Variants in MIGA2 observed in about 807,000 individuals in gnomAD.
MIGA2 encodes mitoguardin 2, also known as family with sequence similarity 73, member B.
MIGA2 carries 36 observed loss-of-function variants against 69.9 expected under a neutral mutation model. The ratio of observed to expected loss-of-function variants is 0.52; its 90% CI spans 0.39 to 0.68. MIGA2 has a LOEUF of 0.68. Among genes scored for constraint, MIGA2 ranks in the 30% least tolerant of loss-of-function variants. The pLI, the probability that MIGA2 is intolerant of heterozygous loss-of-function variation, is 0.00. For synonymous variants in MIGA2, 333 were observed against 349.2 expected, an observed-to-expected ratio of 0.95 and a Z score of 0.52; for missense variants, 660 against 787.7, an observed-to-expected ratio of 0.84 and a Z score of 1.94.
intron 3 of MIGA2, among the ~76,000 whole-genome samples, chr9:129,047,407 G>T (rs1235655392): frequency 6.7e-6 from 1 of 150,116 alleles, no homozygotes; most frequent in Non-Finnish European, 1.5e-5. Flanking sequence ...ATAACCTTTG[G>T]TGCATTTCAT....
At chr9:129,053,533 T>A (rs112427252) in intron 6 of MIGA2, among the ~76,000 whole-genome samples, 1 of 151,970 alleles carries the variant, frequency 6.6e-6, no homozygotes, top group African/African-American at 2.4e-5. Context: ...CCGGCTAATT[T>A]TTTTTGTATT....
intron 11 of MIGA2, among the ~76,000 whole-genome samples, chr9:129,067,060 C>T (rs532136190): frequency 4.1e-5 from 6 of 147,952 alleles, no homozygotes; most frequent in Admixed American, 1.4e-4. Context: ...GGCGTGAACC[C>T]GGGAGGCAGA....
intron 11 of MIGA2, among the ~76,000 whole-genome samples, chr9:129,066,556 C>T (rs1251714807): frequency 4.0e-5 from 6 of 149,720 alleles, no homozygotes; most frequent in Non-Finnish European, 8.9e-5. Context: ...CGCCTGTAGT[C>T]CCAGCTACTC....
Position 129,069,573 on chromosome 9 carries a change from C to G in MIGA2, c.1459-276C>G, listed in dbSNP as rs1846555704. 1 of 546,258 alleles carries G rather than the reference C, an allele frequency of 1.8e-6. No individual in the cohort carries two copies. The highest frequency in any genetic ancestry group is 1.9e-5 in the African/African-American group (1 of 52,740). The allele number at this position is 546,258 out of a possible 1,614,324, so 33.8% of individuals were successfully genotyped here. A position where few individuals can be genotyped will look rare whatever the true frequency, so the allele number is the denominator to read the frequency against. On this transcript the variant is annotated intron_variant, in intron 14 of 15. Coordinates refer to ENST00000684074, the MANE Select transcript of MIGA2 (RefSeq NM_001329990.2). The surrounding 1 kb of genome is among the most constrained non-coding windows in gnomAD (Gnocchi z 4.9). ...CCCTCTGCGGGCCAGGCTCTGTTGC[C>G]TAGCTGATACCAGCTGCCGTGGCCA...
Position 129,070,378 on chromosome 9 carries a change from G to A in MIGA2, c.1707G>A (p.Gly569=). Residue 569 remains glycine, a synonymous_variant, in exon 16 of 16, where the codon GGG becomes GGA. Transcript: ENST00000684074. ...RRSEILLGYL[G]VPAASSAGVN... ...GCGAGATATTGCTGGGGTACCTGGGGGTGCCCGCGGCCAGCAGCGCAGGCG... is the reference window on the plus strand; with the variant it reads ...GCGAGATATTGCTGGGGTACCTGGGAGTGCCCGCGGCCAGCAGCGCAGGCG... 1.2e-6 allele frequency: 2 copies of A among 1,612,490 alleles called. No homozygotes were observed. The highest frequency in any genetic ancestry group is 1.1e-5 in the South Asian group (1 of 91,030).
chr9:129,046,072 C>A (rs1324356021), intron 3 of MIGA2, among the ~76,000 whole-genome samples: 1 of 152,126 alleles, frequency 6.6e-6, no homozygotes, highest in Non-Finnish European at 1.5e-5. Context: ...CCAGGATGGT[C>A]TCCATCTCTT....
At chr9:129,040,816 T>C in intron 2 of MIGA2, 126 bp downstream of exon 2, 1 of 751,934 alleles carries the variant, frequency 1.3e-6, no homozygotes, top group South Asian at 2.0e-5. Flanking sequence ...GTCTCCTCTT[T>C]GGACTGGGTT....
At position 129,068,300 on chromosome 9, in the gene MIGA2, A is replaced by C; in HGVS notation, c.1372A>C (p.Asn458His). The C allele has an allele frequency of 6.2e-7, 1 of 1,609,610 alleles. No individual in the cohort carries two copies. The highest frequency in any genetic ancestry group is 8.5e-7 in the Non-Finnish European group (1 of 1,178,954). Reference sequence around the variant, plus strand: ...GGCCTCGGTGCTCGCCGTCCTGCGGAACCGCTGGCTGTCAGACAGCTTCAA... The same window carrying C: ...GGCCTCGGTGCTCGCCGTCCTGCGGCACCGCTGGCTGTCAGACAGCTTCAA... The part of the protein sequence containing the change: ...PPASVLAVLR[N>H]RWLSDSFKET... The change falls in exon 13 of 16, where the codon AAC (asparagine) becomes CAC (histidine). Residue 458 changes from asparagine to histidine, a missense_variant. Asn to His is a moderately conservative substitution (Grantham distance 68). Transcript: ENST00000684074. The surrounding 1 kb of genome is among the most constrained non-coding windows in gnomAD (Gnocchi z 4.1).
At chr9:129,053,879 C>T (rs917689609) in intron 6 of MIGA2, among the ~76,000 whole-genome samples, 1 of 151,902 alleles carries the variant, frequency 6.6e-6, no homozygotes, top group African/African-American at 2.4e-5. Flanking sequence ...GGCTGGAGTG[C>T]AGTGGCGTGA....
chr9:129,041,603 G>A (rs891774323), intron 2 of MIGA2, among the ~76,000 whole-genome samples: 7 of 152,310 alleles, frequency 4.6e-5, no homozygotes, highest in African/African-American at 1.7e-4. Flanking sequence ...CTAAAGTGCT[G>A]GGTTTATAGG....
intron 3 of MIGA2, among the ~76,000 whole-genome samples, chr9:129,043,954 C>T (rs1324141954): frequency 6.6e-6 from 1 of 151,982 alleles, no homozygotes; most frequent in Non-Finnish European, 1.5e-5. Flanking sequence ...CCTGCCTCGG[C>T]CTCCCAAAGT....
chr9:129,060,544 TC>T lies in MIGA2; in HGVS notation c.794-3del. Reference sequence around the variant, plus strand: ...CAGCCCCGCTTTCTCTCACTGCTCTTCCCAGAGAGGACCCTCATGCTGCCCC... The same window carrying T: ...CAGCCCCGCTTTCTCTCACTGCTCTTCCAGAGAGGACCCTCATGCTGCCCC... On this transcript the variant is annotated splice_region_variant and splice_polypyrimidine_tract_variant and intron_variant, in intron 7 of 15. Coordinates refer to ENST00000684074, the MANE Select transcript of MIGA2 (RefSeq NM_001329990.2). The surrounding 1 kb of genome is among the most constrained non-coding windows in gnomAD (Gnocchi z 4.8). The T allele has an allele frequency of 6.3e-7, 1 of 1,586,858 alleles. No individual in the cohort carries two copies. The highest frequency in any genetic ancestry group is 1.8e-5 in the Admixed American group (1 of 56,702).
At position 129,066,606 on chromosome 9, in the gene MIGA2, G is replaced by A. The variant is rs564832060; in HGVS notation, c.1171-1167G>A. 1.7e-3 allele frequency among the ~76,000 whole-genome samples: 247 copies of A among 144,176 alleles called. 1 individual carries two copies. The highest frequency in any genetic ancestry group is 5.8e-3 in the African/African-American group (222 of 38,382). 94.6% of individuals were successfully genotyped at this position (144,176 alleles called of 152,430 possible). ...GGAGAATGGCATGAACCCAGGAGGC[G>A]GAGCTTGCAGTGAGCCAAGATCACG... is the stretch of plus-strand genomic sequence containing the variant. On this transcript the variant is annotated intron_variant, in intron 11 of 15. Coordinates refer to ENST00000684074, the MANE Select transcript of MIGA2 (RefSeq NM_001329990.2).
intron 11 of MIGA2, 79 bp downstream of exon 11, chr9:129,063,710 G>A (rs1846189634): frequency 2.8e-6 from 4 of 1,414,534 alleles, no homozygotes; most frequent in Non-Finnish European, 4.0e-6. Context: ...CTGCCAGAGG[G>A]AACCCCTGTG....
Position 129,070,325 on chromosome 9 carries a change from G to A in MIGA2, c.1654G>A (p.Asp552Asn), listed in dbSNP as rs770869743. Reference sequence around the variant, plus strand: ...CACGTCACTGCCCGCGCTGGCAGACGACATCCTGCAGCTGTCCCGGCGCCG... The same window carrying A: ...CACGTCACTGCCCGCGCTGGCAGACAACATCCTGCAGCTGTCCCGGCGCCG... ...RYTSLPALAD[D>N]ILQLSRRRSE... Residue 552 changes from aspartate (D) to asparagine (N), a missense_variant, in exon 16 of 16, where the codon GAC (aspartate) becomes AAC (asparagine). Physicochemically the swap from Asp to Asn is conservative, Grantham distance 23. Around this residue, in one of 3 missense-constraint regions of MIGA2, gnomAD observed 220 missense variants for 301.7 expected, o/e 0.73. Coordinates refer to ENST00000684074, the MANE Select transcript of MIGA2 (RefSeq NM_001329990.2). 2 of 1,613,140 alleles carry A rather than the reference G, an allele frequency of 1.2e-6. No individual in the cohort carries two copies. The highest frequency in any genetic ancestry group is 2.2e-5 in the East Asian group (1 of 44,888).
intron 1 of MIGA2, chr9:129,037,027 A>C: frequency 1.0e-6 from 1 of 1,002,566 alleles, no homozygotes; most frequent in Non-Finnish European, 1.2e-6. Flanking sequence ...GTGAGTTTCA[A>C]TGATATTCCG....
At chr9:129,041,947 T>A (rs191448526) in intron 2 of MIGA2, among the ~76,000 whole-genome samples, 8 of 152,296 alleles carry the variant, frequency 5.3e-5, no homozygotes, top group Non-Finnish European at 1.2e-4. Flanking sequence ...AACCTCAGGT[T>A]CCTCGTCTGG....
intron 5 of MIGA2, 36 bp downstream of exon 5, chr9:129,049,534 G>A (rs774392704): frequency 1.2e-5 from 19 of 1,596,378 alleles, no homozygotes; most frequent in Non-Finnish European, 1.6e-5. Flanking sequence ...CGAGGGCAGG[G>A]TGGGTGGCAG....
chr9:129,062,252 T>C (rs1004328881), intron 9 of MIGA2, among the ~76,000 whole-genome samples: 17 of 150,834 alleles, frequency 1.1e-4, no homozygotes, highest in African/African-American at 4.1e-4. Context: ...TATCTGGAGC[T>C]GGGCAGGGTG....
Sources: gnomAD v4.1 joint callset for allele counts (sites outside exome capture counted in the v4.1 genomes callset) on GRCh38, gnomAD v4.1.1 for gene constraint, gnomAD v4.1.1 regional missense constraint, Gnocchi (gnomAD v3.1) non-coding constraint, MANE v1.5 for transcripts, NCBI Gene and HGNC (gene_info 2026-07-23, HGNC 2026-07-21) for gene names.